Variants in DNAI1 observed in about 807,000 individuals in gnomAD.
DNAI1 encodes dynein, axonemal, intermediate polypeptide 1.
DNAI1 carries 67 observed loss-of-function variants against 92.0 expected under a neutral mutation model. The ratio of observed to expected loss-of-function variants is 0.73; its 90% CI spans 0.60 to 0.89. DNAI1 has a LOEUF of 0.89. Among genes scored for constraint, DNAI1 ranks in the 40% least tolerant of loss-of-function variants. DNAI1 has a pLI of 0.00. For synonymous variants in DNAI1, 323 were observed against 319.6 expected, an observed-to-expected ratio of 1.01 and a Z score of -0.11; for missense variants, 839 against 866.6, an observed-to-expected ratio of 0.97 and a Z score of 0.40.
rs140711767 is a variant in DNAI1, at chr9:34,506,667, C to T, written c.1104C>T (p.Tyr368=). 78 of 1,614,226 alleles carry T rather than the reference C, an allele frequency of 4.8e-5. No individual in the cohort carries two copies. The African/African-American group carries it at 9.1e-4, about 19-fold the overall frequency. The change falls in exon 13 of 20, where the codon TAC becomes TAT. Residue 368 remains tyrosine (Y), a synonymous_variant. Transcript: ENST00000242317. Reference sequence around the variant, plus strand: ...AGAGCCGGGGCATGCTGCTGCTCTACAGCCTGAAGAACCCCAGCTTCCCTG... The same window carrying T: ...AGAGCCGGGGCATGCTGCTGCTCTATAGCCTGAAGAACCCCAGCTTCCCTG... The part of the protein sequence containing the change: ...MKQSRGMLLL[Y]SLKNPSFPEY...
chr9:34,519,660 C>G (rs1442883509), intron 19 of DNAI1, among the ~76,000 whole-genome samples: 1 of 152,070 alleles, frequency 6.6e-6, no homozygotes, highest in African/African-American at 2.4e-5. Context: ...TGACAGCAGC[C>G]AAAAAGGAGC....
Position 34,513,152 on chromosome 9 carries a change from C to T in DNAI1, c.1530C>T (p.Tyr510=), listed in dbSNP as rs1411748138. Residue 510 remains tyrosine (Y), a synonymous_variant, in exon 16 of 20, where the codon TAC becomes TAT. Transcript: ENST00000242317. ...TTGACTTCCACAAAGAGATTGACTA[C>T]ATGTTCCTAGTGGGCACAGAGGAGG... The part of the protein sequence containing the change: ...TAFDFHKEID[Y]MFLVGTEEGK... The T allele has an allele frequency of 1.9e-6, 3 of 1,614,148 alleles. No individual in the cohort carries two copies. The highest frequency in any genetic ancestry group is 2.5e-6 in the Non-Finnish European group (3 of 1,179,990).
chr9:34,494,086 G>T (rs1385457475), intron 9 of DNAI1, among the ~76,000 whole-genome samples: 3 of 152,136 alleles, frequency 2.0e-5, no homozygotes, highest in African/African-American at 7.2e-5. Context: ...GGATGGGTTT[G>T]ACTTGCAGTG....
intron 12 of DNAI1, among the ~76,000 whole-genome samples, chr9:34,501,807 G>A (rs567128008): frequency 6.6e-4 from 101 of 152,240 alleles, no homozygotes; most frequent in African/African-American, 2.3e-3. Context: ...CTGAACCTTC[G>A]GAGCCCACTG....
chr9:34,482,241 C>T (rs1235239597), intron 1 of DNAI1, among the ~76,000 whole-genome samples: 1 of 145,114 alleles, frequency 6.9e-6, no homozygotes, highest in African/African-American at 2.6e-5. Flanking sequence ...TATTTACAAT[C>T]CTTGAGCTAG....
In DNAI1 at chr9:34,485,537, G is replaced by C; in HGVS notation, c.261+20G>C. The C allele has an allele frequency of 6.2e-7, 1 of 1,611,692 alleles. No individual in the cohort carries two copies. On this transcript the variant is annotated intron_variant, in intron 4 of 19. Transcript: ENST00000242317. ...TTCAAAGTAAGTCATCCCCTCCTGG[G>C]CAGGGGCATCTATACCCATCTCCTT... is the stretch of plus-strand genomic sequence containing the variant.
At chr9:34,512,716 C>G (rs1227575200) in intron 15 of DNAI1, among the ~76,000 whole-genome samples, 4 of 152,180 alleles carry the variant, frequency 2.6e-5, no homozygotes, top group African/African-American at 4.8e-5. Flanking sequence ...CCCTGTTTAC[C>G]CAGATCCTGT....
At chr9:34,497,038 A>G (rs1177974374) in intron 9 of DNAI1, 77 bp from the exon 10 acceptor site, 1 of 1,113,502 alleles carries the variant, frequency 9.0e-7, no homozygotes, top group East Asian at 2.4e-5. Context: ...AATCAATTGC[A>G]AGGGTGACAT....
In DNAI1 at chr9:34,520,897, T is replaced by G; in HGVS notation, c.*141T>G. ...GCATCTTCCCTTCTTGTTCTGTTCC[T>G]TAAGGTCCCAGCACCTTACCCCAGG... On this transcript the variant is annotated 3_prime_UTR_variant, in exon 20 of 20. Coordinates refer to ENST00000242317, the MANE Select transcript of DNAI1 (RefSeq NM_012144.4). The G allele has an allele frequency of 1.2e-6, 1 of 843,562 alleles. No individual in the cohort carries two copies. Among genetic ancestry groups the G allele is most frequent in the South Asian group, 1.4e-5 (1 of 69,006 alleles). 52.3% of individuals were successfully genotyped at this position (843,562 alleles called of 1,614,324 possible). A position where few individuals can be genotyped will look rare whatever the true frequency, so the allele number is the denominator to read the frequency against.
At chr9:34,480,817 A>T (rs892314680) in intron 1 of DNAI1, among the ~76,000 whole-genome samples, 4 of 152,098 alleles carry the variant, frequency 2.6e-5, no homozygotes, top group African/African-American at 9.7e-5. Context: ...GCAGTGGCTC[A>T]CGCCTGTAAT....
chr9:34,506,545 C>T (rs1248646703), intron 12 of DNAI1, 82 bp from the exon 13 acceptor site: 2 of 1,598,802 alleles, frequency 1.3e-6, no homozygotes, highest in African/African-American at 2.7e-5. Flanking sequence ...GGCTTGCCCA[C>T]CTAGTGGGGT....
At chr9:34,493,923 G>A (rs1280819973) in intron 9 of DNAI1, among the ~76,000 whole-genome samples, 1 of 152,154 alleles carries the variant, frequency 6.6e-6, no homozygotes, top group Non-Finnish European at 1.5e-5. Context: ...GGTCTAGCCA[G>A]CACAGGTTTG....
chr9:34,463,536 C>T (rs1371596890), intron 1 of DNAI1, among the ~76,000 whole-genome samples: 4 of 152,192 alleles, frequency 2.6e-5, no homozygotes, highest in Non-Finnish European at 4.4e-5. Flanking sequence ...AGCTTTGCAG[C>T]GTTGCCAAAC....
chr9:34,477,947 T>C (rs1261195416), intron 1 of DNAI1, among the ~76,000 whole-genome samples: 3 of 142,948 alleles, frequency 2.1e-5, no homozygotes, highest in African/African-American at 7.9e-5. Flanking sequence ...TTTTTTTTTT[T>C]TTAGTCTCAG....
intron 1 of DNAI1, among the ~76,000 whole-genome samples, chr9:34,467,438 A>G (rs915317093): frequency 1.2e-5 from 1 of 81,172 alleles, no homozygotes; most frequent in African/African-American, 5.2e-5. Context: ...TCTCTACACA[A>G]ATACACACAC....
intron 4 of DNAI1, among the ~76,000 whole-genome samples, chr9:34,488,816 G>A (rs1564032515): frequency 6.6e-6 from 1 of 152,202 alleles, no homozygotes; most frequent in African/African-American, 2.4e-5. Context: ...TGTGTGACCC[G>A]GACAAATGCC....
At chr9:34,467,998 T>C (rs563162591) in intron 1 of DNAI1, among the ~76,000 whole-genome samples, 1 of 152,310 alleles carries the variant, frequency 6.6e-6, no homozygotes, top group African/African-American at 2.4e-5. Flanking sequence ...GCAGCTGTTA[T>C]AAATATATTT....
At chr9:34,479,550 A>G (rs888874761) in intron 1 of DNAI1, among the ~76,000 whole-genome samples, 1 of 152,224 alleles carries the variant, frequency 6.6e-6, no homozygotes, top group Non-Finnish European at 1.5e-5. Context: ...ATTGCCAGAT[A>G]AATGTTTTAC....
chr9:34,492,366 C>G (rs1824618900), intron 8 of DNAI1, among the ~76,000 whole-genome samples: 1 of 151,368 alleles, frequency 6.6e-6, no homozygotes, highest in Non-Finnish European at 1.5e-5. Flanking sequence ...CCTGTCAGAT[C>G]CATTTAGCAA....
Sources: allele counts gnomAD v4.1 joint callset (sites outside exome capture counted in the v4.1 genomes callset), GRCh38; gene constraint gnomAD v4.1.1; transcripts MANE v1.5; gene names NCBI Gene and HGNC (gene_info 2026-07-23, HGNC 2026-07-21).